TBCA: variants seen among roughly 807,000 people sequenced by gnomAD.
TBCA encodes tubulin folding cofactor A, also known as tubulin-specific chaperone A.
Under a neutral mutation model 15.8 loss-of-function variants are expected in TBCA, and 6 were observed. The observed-to-expected ratio is 0.38, with a 90% CI of 0.21 to 0.75. The LOEUF (loss-of-function observed/expected upper bound fraction) is 0.75. TBCA is among the 30% of genes least tolerant of loss of function. The probability of loss-of-function intolerance (pLI) is 0.46; values close to 1 mark genes in which losing one functional copy is unlikely to be tolerated. For missense variants in TBCA, 90 were observed against 131.2 expected (o/e 0.69, Z 1.53); for synonymous variants, 32 against 42.3 (o/e 0.76, Z 0.94).
At chr5:77,766,094 G>A (rs1290947627) in intron 1 of TBCA, among the ~76,000 whole-genome samples, 3 of 151,846 alleles carry the variant, frequency 2.0e-5, no homozygotes, top group Admixed American at 6.6e-5. Flanking sequence ...ATGAGATTTC[G>A]ACATACCTAT....
chr5:77,753,273 G>C (rs1449509750), intron 1 of TBCA, among the ~76,000 whole-genome samples: 1 of 152,228 alleles, frequency 6.6e-6, no homozygotes, highest in Non-Finnish European at 1.5e-5. Context: ...TAAAAGGCAT[G>C]TGAGCTAGCT....
At chr5:77,707,513 G>A (rs1381581538) in intron 2 of TBCA, among the ~76,000 whole-genome samples, 1 of 152,080 alleles carries the variant, frequency 6.6e-6, no homozygotes, top group Admixed American at 6.6e-5. Context: ...GAAAGGGCAT[G>A]TTCAGGGAGC....
intron 1 of TBCA, chr5:77,715,121 C>T: frequency 1.6e-6 from 1 of 623,626 alleles, no homozygotes; most frequent in Non-Finnish European, 2.8e-6. Context: ...GTTAAGATTT[C>T]AAAGAGGCAA....
chr5:77,722,672 G>A (rs1244597988), intron 1 of TBCA, among the ~76,000 whole-genome samples: 1 of 151,834 alleles, frequency 6.6e-6, no homozygotes, highest in African/African-American at 2.4e-5. Flanking sequence ...CTTATTAAGA[G>A]CTAGTGAACC....
Position 77,691,407 on chromosome 5 carries a change from C to A in TBCA, c.*11G>T, listed in dbSNP as rs374714675. 5 of 1,590,492 alleles carry A rather than the reference C, an allele frequency of 3.1e-6. No individual in the cohort carries two copies. In the South Asian group the frequency reaches 5.8e-5, roughly 18 times the overall value. On this transcript the variant is annotated 3_prime_UTR_variant, in exon 4 of 4. Transcript: ENST00000380377. The stretch of plus-strand genomic sequence containing the variant: ...GATTTAATGCAAAAACCACCCCATA[C>A]GAGAAAAGTTTCAGGCTTCTAACTT...
At chr5:77,694,312 G>A (rs1391771512) in intron 2 of TBCA, 8 of 152,204 alleles carry the variant, frequency 5.3e-5, no homozygotes, top group Non-Finnish European at 8.8e-5. Context: ...AATTACCAAT[G>A]TGGCACCCCT....
At chr5:77,696,989 TACAG>T (rs1170926216) in intron 2 of TBCA, among the ~76,000 whole-genome samples, 2 of 152,140 alleles carry the variant, frequency 1.3e-5, no homozygotes, top group Non-Finnish European at 2.9e-5. Context: ...AAATAATTAT[TACAG>T]ACAAAGAGGG....
intron 1 of TBCA, among the ~76,000 whole-genome samples, chr5:77,710,809 G>A (rs533922992): frequency 2.0e-5 from 3 of 152,184 alleles, no homozygotes; most frequent in South Asian, 2.1e-4. Context: ...TATTATCAAC[G>A]CAACAGTATT....
intron 1 of TBCA, among the ~76,000 whole-genome samples, chr5:77,750,136 C>G: frequency 7.0e-6 from 1 of 142,936 alleles, no homozygotes; most frequent in South Asian, 2.2e-4. Context: ...TTTGTGCTCT[C>G]TCTCTATATA....
chr5:77,713,185 A>G (rs1002947431), intron 1 of TBCA, among the ~76,000 whole-genome samples: 1 of 152,074 alleles, frequency 6.6e-6, no homozygotes, highest in Non-Finnish European at 1.5e-5. Context: ...AGTTCCAGCT[A>G]CTCAGAAGTC....
chr5:77,751,797 T>C (rs1464892536), intron 1 of TBCA, among the ~76,000 whole-genome samples: 1 of 152,188 alleles, frequency 6.6e-6, no homozygotes, highest in Non-Finnish European at 1.5e-5. Flanking sequence ...TCAGTCTCCC[T>C]GAGCATTCAG....
chr5:77,696,170 C>T (rs1185693265), intron 2 of TBCA, among the ~76,000 whole-genome samples: 2 of 152,078 alleles, frequency 1.3e-5, no homozygotes, highest in African/African-American at 2.4e-5. Context: ...CCAGATCATC[C>T]ATCAGAAGCT....
At chr5:77,749,857 T>C (rs1747276332) in intron 1 of TBCA, among the ~76,000 whole-genome samples, 1 of 152,196 alleles carries the variant, frequency 6.6e-6, no homozygotes. Flanking sequence ...GGTATGTCCA[T>C]TCCGAATACT....
intron 1 of TBCA, among the ~76,000 whole-genome samples, chr5:77,729,877 C>T (rs1746724973): frequency 6.6e-6 from 1 of 152,068 alleles, no homozygotes; most frequent in African/African-American, 2.4e-5. Context: ...AGACTAGGAC[C>T]CATTCTCTCT....
At chr5:77,771,632 GCCAACATGCTGA>G (rs1245953425) in intron 1 of TBCA, among the ~76,000 whole-genome samples, 1 of 152,132 alleles carries the variant, frequency 6.6e-6, no homozygotes, top group African/African-American at 2.4e-5. Flanking sequence ...CTGCCATTTT[GCCAACATGCTGA>G]AATGGCCGTC....
At chr5:77,756,733 T>G (rs1483088195) in intron 1 of TBCA, among the ~76,000 whole-genome samples, 1 of 152,018 alleles carries the variant, frequency 6.6e-6, no homozygotes, top group Non-Finnish European at 1.5e-5. Context: ...GTCAAATCCT[T>G]TCACTGTACA....
At chr5:77,748,456 T>C (rs1472271565) in intron 1 of TBCA, among the ~76,000 whole-genome samples, 3 of 151,004 alleles carry the variant, frequency 2.0e-5, no homozygotes, top group Non-Finnish European at 2.9e-5. Context: ...CTCTAAGGGA[T>C]ACTTCATCAG....
chr5:77,768,445 T>C (rs1318457593), intron 1 of TBCA, among the ~76,000 whole-genome samples: 1 of 152,208 alleles, frequency 6.6e-6, no homozygotes, highest in Non-Finnish European at 1.5e-5. Context: ...AGCCCATCTA[T>C]TTAACTCTCA....
chr5:77,717,656 C>A (rs934920749), intron 1 of TBCA, among the ~76,000 whole-genome samples: 1 of 149,668 alleles, frequency 6.7e-6, no homozygotes, highest in African/African-American at 2.5e-5. Flanking sequence ...ATGGTAAAAC[C>A]CCGTCTCTAG....
Sources: gnomAD v4.1 joint callset for allele counts (sites outside exome capture counted in the v4.1 genomes callset) on GRCh38, gnomAD v4.1.1 for gene constraint, MANE v1.5 for transcripts, NCBI Gene and HGNC (gene_info 2026-07-23, HGNC 2026-07-21) for gene names.